The following FRMD4A variants were observed in gnomAD, a reference collection of about 807,000 sequenced individuals.
The protein encoded by FRMD4A is FERM domain containing 4A, also known as FERM domain-containing protein 4A.
FRMD4A carries 29 observed loss-of-function variants against 129.1 expected under a neutral mutation model. That is an observed-to-expected ratio of 0.22 (90% confidence interval 0.17 to 0.31). The LOEUF (loss-of-function observed/expected upper bound fraction) is 0.31, where lower values mean the gene tolerates loss of function less well. FRMD4A is among the 10% of genes least tolerant of loss of function. FRMD4A has a pLI of 1.00. For synonymous variants in FRMD4A, 634 were observed against 571.6 expected (o/e 1.11, Z -1.56); for missense variants, 1,272 against 1,375.8 (o/e 0.92, Z 1.19).
At chr10:14,108,050 C>T (rs906498411) in intron 2 of FRMD4A, among the ~76,000 whole-genome samples, 1 of 152,214 alleles carries the variant, frequency 6.6e-6, no homozygotes, top group African/African-American at 2.4e-5. Context: ...GCTGTACCTT[C>T]TTACATTCCC....
chr10:14,162,630 G>GTTTTTTTTTTTTTTTTTTTTTTTTTTTTT, intron 2 of FRMD4A, among the ~76,000 whole-genome samples: 1 of 117,312 alleles, frequency 8.5e-6, no homozygotes, highest in Non-Finnish European at 1.7e-5. Context: ...GAGTTTCTCT[G>GTTTTTTTTTTTTTTTTTTTTTTTTTTTTT]TTTTTTTTTT....
At chr10:14,261,034 C>T (rs1473789918) in intron 2 of FRMD4A, among the ~76,000 whole-genome samples, 2 of 152,108 alleles carry the variant, frequency 1.3e-5, no homozygotes, top group South Asian at 2.1e-4. Context: ...GGGGAATTCA[C>T]ATACAAAATG....
chr10:13,921,190 G>A (rs2131258043), intron 2 of FRMD4A, among the ~76,000 whole-genome samples: 1 of 151,130 alleles, frequency 6.6e-6, no homozygotes, highest in African/African-American at 2.4e-5. Context: ...ACCTCTCTGG[G>A]GCTTTTTAGT....
chr10:13,856,570 G>A (rs1206917587), intron 3 of FRMD4A, among the ~76,000 whole-genome samples: 1 of 152,084 alleles, frequency 6.6e-6, no homozygotes, highest in East Asian at 1.9e-4. Context: ...TTGGTGGAGG[G>A]TGTCTTCCAA....
intron 13 of FRMD4A, among the ~76,000 whole-genome samples, chr10:13,702,019 A>C (rs77921771): frequency 6.6e-5 from 10 of 152,210 alleles, no homozygotes; most frequent in African/African-American, 2.4e-4. Context: ...AATCAGGAGA[A>C]GAAAGGCAGA....
chr10:13,706,818 G>T (rs907647438), intron 13 of FRMD4A, among the ~76,000 whole-genome samples: 5 of 150,900 alleles, frequency 3.3e-5, no homozygotes, highest in African/African-American at 1.2e-4. Flanking sequence ...ACAGTCAGGG[G>T]ATTGCTACTT....
At chr10:13,966,253 C>T (rs1175765289) in intron 2 of FRMD4A, among the ~76,000 whole-genome samples, 1 of 152,168 alleles carries the variant, frequency 6.6e-6, no homozygotes, top group East Asian at 1.9e-4. Context: ...GAACTCCTGA[C>T]CTCAGGTGAT....
intron 2 of FRMD4A, among the ~76,000 whole-genome samples, chr10:13,879,856 G>C (rs928491585): frequency 1.3e-5 from 2 of 148,342 alleles, no homozygotes; most frequent in Non-Finnish European, 3.0e-5. Context: ...ATTTGACCCA[G>C]GCTGCTCTCA....
chr10:14,065,261 G>A (rs960409560), intron 2 of FRMD4A, among the ~76,000 whole-genome samples: 1 of 152,116 alleles, frequency 6.6e-6, no homozygotes, highest in African/African-American at 2.4e-5. Context: ...TCAGCTCACT[G>A]CAACCTCTGC....
chr10:14,065,531 G>T (rs1409383552), intron 2 of FRMD4A, among the ~76,000 whole-genome samples: 1 of 152,066 alleles, frequency 6.6e-6, no homozygotes, highest in Non-Finnish European at 1.5e-5. Context: ...GTAGCATCCA[G>T]GTGGTGGTCA....
chr10:14,143,038 G>A, intron 2 of FRMD4A, among the ~76,000 whole-genome samples: 1 of 152,196 alleles, frequency 6.6e-6, no homozygotes, highest in East Asian at 1.9e-4. Flanking sequence ...TACACTGTTG[G>A]TGGAATGCAA....
At chr10:14,139,407 G>T (rs1426844862) in intron 2 of FRMD4A, among the ~76,000 whole-genome samples, 2 of 151,934 alleles carry the variant, frequency 1.3e-5, no homozygotes, top group East Asian at 3.9e-4. Flanking sequence ...GAACATAGAA[G>T]TTAATAAATC....
rs563883193 is a variant in FRMD4A, at chr10:14,198,415, T to C, written c.45+131643A>G. Among the ~76,000 whole-genome samples the C allele has an allele frequency of 3.9e-5, 6 of 152,296 alleles. No homozygotes were observed. The East Asian group carries it at 5.8e-4, about 15-fold the overall frequency. ...CAGGCGGAATAGAAACAAGGTTTAC[T>C]GAAGGGGCCTAGGCAATTTCATGGA... On this transcript the variant is annotated intron_variant, in intron 2 of 24. Coordinates refer to ENST00000357447, the MANE Select transcript of FRMD4A (RefSeq NM_018027.5).
At chr10:13,694,694 T>C (rs953355174) in intron 14 of FRMD4A, among the ~76,000 whole-genome samples, 4 of 152,104 alleles carry the variant, frequency 2.6e-5, no homozygotes, top group African/African-American at 9.7e-5. Context: ...ACAAAAAAAT[T>C]AGCCAGGTGT....
At chr10:13,670,347 A>G in intron 17 of FRMD4A, 59 bp downstream of exon 17, 1 of 1,575,554 alleles carries the variant, frequency 6.3e-7, no homozygotes, top group South Asian at 1.1e-5. Flanking sequence ...GGAAGGCCTG[A>G]CCAATGGGAA....
intron 2 of FRMD4A, among the ~76,000 whole-genome samples, chr10:14,278,668 G>A (rs1049470668): frequency 1.3e-5 from 2 of 152,008 alleles, no homozygotes; most frequent in East Asian, 1.9e-4. Context: ...AAAGAATCTC[G>A]CTTGCCTGAG....
At chr10:13,726,545 AG>A (rs1194859254) in intron 12 of FRMD4A, among the ~76,000 whole-genome samples, 1 of 152,218 alleles carries the variant, frequency 6.6e-6, no homozygotes, top group Non-Finnish European at 1.5e-5. Flanking sequence ...CCTGTGCTCA[AG>A]TCACCTTCAA....
chr10:13,919,528 G>A (rs1471672585), intron 2 of FRMD4A, among the ~76,000 whole-genome samples: 1 of 151,974 alleles, frequency 6.6e-6, no homozygotes, highest in Admixed American at 6.6e-5. Context: ...TGAATTTAAT[G>A]TATATAAAAT....
chr10:14,059,327 A>T (rs1834693957), intron 2 of FRMD4A, among the ~76,000 whole-genome samples: 1 of 152,210 alleles, frequency 6.6e-6, no homozygotes, highest in Admixed American at 6.5e-5. Flanking sequence ...TCCTGTATTG[A>T]ATCCCCAACC....
Sources: allele counts gnomAD v4.1 joint callset (sites outside exome capture counted in the v4.1 genomes callset), GRCh38; gene constraint gnomAD v4.1.1; transcripts MANE v1.5; gene names NCBI Gene and HGNC (gene_info 2026-07-23, HGNC 2026-07-21).